The following CDH7 variants were observed in gnomAD, a reference collection of about 807,000 sequenced individuals.
CDH7 encodes the protein cadherin-7.
In CDH7, 25 loss-of-function variants were observed where a neutral mutation model predicts 71.8. The observed-to-expected ratio is 0.35, with a 90% confidence interval of 0.25 to 0.49. The LOEUF (loss-of-function observed/expected upper bound fraction) is 0.49. Among genes scored for constraint, CDH7 ranks in the 20% least tolerant of loss-of-function variants. CDH7 has a pLI of 0.99. For synonymous variants in CDH7, 381 were observed against 363.8 expected (o/e 1.05, Z -0.54); for missense variants, 862 against 974.6 (o/e 0.88, Z 1.54).
At chr18:65,760,894 C>T (rs1225966230) in intron 1 of CDH7, among the ~76,000 whole-genome samples, 3 of 152,158 alleles carry the variant, frequency 2.0e-5, no homozygotes, top group African/African-American at 7.2e-5. Context: ...GGAAGCACGC[C>T]TTTCAGGTGG....
chr18:65,837,581 A>G (rs1912574888), intron 6 of CDH7, among the ~76,000 whole-genome samples: 1 of 152,164 alleles, frequency 6.6e-6, no homozygotes, highest in Admixed American at 6.5e-5. Context: ...AAAAGTGTCA[A>G]GAGGATTTTT....
At chr18:65,782,102 C>CTTT (rs1568182474) in intron 2 of CDH7, among the ~76,000 whole-genome samples, 8 of 52,464 alleles carry the variant, frequency 1.5e-4, no homozygotes, top group East Asian at 4.4e-4. Context: ...TTCCTTCCTT[C>CTTT]CTTCCTTCTT....
At chr18:65,870,054 A>G (rs988779917) in intron 11 of CDH7, among the ~76,000 whole-genome samples, 4 of 152,204 alleles carry the variant, frequency 2.6e-5, no homozygotes, top group Non-Finnish European at 5.9e-5. Flanking sequence ...GTTAGTAGCC[A>G]TGGAACTATA....
chr18:65,774,717 G>T (rs976045584), intron 2 of CDH7, among the ~76,000 whole-genome samples: 3 of 152,078 alleles, frequency 2.0e-5, no homozygotes, highest in African/African-American at 7.2e-5. Flanking sequence ...GTGGAAAGAT[G>T]TGGGGCCTGG....
rs186502386 is a variant in CDH7, at chr18:65,833,079, A to G, written c.981+8248A>G. Among the ~76,000 whole-genome samples, 89 of 152,310 alleles carry G rather than the reference A, an allele frequency of 5.8e-4. 4 individuals carry two copies. Among genetic ancestry groups the G allele is most frequent in the Admixed American group, 9.1e-4 (14 of 15,304 alleles). ...CTAATTTTGCTGTGCTAGATTCAAA[A>G]TATGCTCATATCCATACCCTATGAA... On this transcript the variant is annotated intron_variant, in intron 6 of 11. Coordinates refer to ENST00000397968, the MANE Select transcript of CDH7 (RefSeq NM_004361.5).
chr18:65,835,957 G>A (rs910347887), intron 6 of CDH7, among the ~76,000 whole-genome samples: 15 of 152,128 alleles, frequency 9.9e-5, no homozygotes, highest in Non-Finnish European at 2.1e-4. Context: ...ATAATCACAA[G>A]GCTCCTTAAA....
intron 4 of CDH7, among the ~76,000 whole-genome samples, chr18:65,819,942 A>C (rs557093887): frequency 1.5e-4 from 22 of 149,766 alleles, no homozygotes; most frequent in African/African-American, 5.1e-4. Flanking sequence ...GCTTCCCTAA[A>C]GTGCGAAAGA....
At chr18:65,824,852 C>G (rs368015102) in intron 6 of CDH7, 21 bp downstream of exon 6, 8 of 1,520,314 alleles carry the variant, frequency 5.3e-6, no homozygotes, top group Non-Finnish European at 7.2e-6. Flanking sequence ...CTTTATTTAT[C>G]TTTTATCACA....
chr18:65,782,725 T>A (rs1310135643), intron 2 of CDH7, among the ~76,000 whole-genome samples: 2 of 152,222 alleles, frequency 1.3e-5, no homozygotes, highest in Non-Finnish European at 2.9e-5. Flanking sequence ...TGTTTCTGTG[T>A]AATTTAATAC....
intron 6 of CDH7, among the ~76,000 whole-genome samples, chr18:65,827,556 T>G (rs1912177810): frequency 6.6e-6 from 1 of 151,950 alleles, no homozygotes; most frequent in Non-Finnish European, 1.5e-5. Context: ...CATATCATTT[T>G]GAGCCTAAAC....
intron 7 of CDH7, among the ~76,000 whole-genome samples, chr18:65,850,189 A>T (rs10871591): frequency 0.24 from 33,712 of 142,854 alleles, 4,704 homozygotes; most frequent in Non-Finnish European, 0.31. Flanking sequence ...TATATATATA[A>T]AATTAAATAC....
rs1913497533 is a variant in CDH7, at chr18:65,859,791, A to T, written c.1578A>T (p.Thr526=). 1 of 1,606,478 alleles carries T rather than the reference A, an allele frequency of 6.2e-7. No individual in the cohort carries two copies. Among genetic ancestry groups the T allele is most frequent in the African/African-American group, 1.3e-5 (1 of 74,748 alleles). ...QFYFSLTTDA[T]NNHNFSLKDN... is the part of the protein sequence containing the mutation. Reference sequence around the variant, plus strand: ...ACTTCAGCTTAACAACGGATGCAACAAATAACCACAACTTTTCATTGAAAG... The same window carrying T: ...ACTTCAGCTTAACAACGGATGCAACTAATAACCACAACTTTTCATTGAAAG... Residue 526 remains threonine (T), a synonymous_variant, in exon 10 of 12, where the codon ACA becomes ACT. Transcript: ENST00000397968.
At chr18:65,875,335 A>G (rs1404533369) in intron 11 of CDH7, among the ~76,000 whole-genome samples, 2 of 152,206 alleles carry the variant, frequency 1.3e-5, no homozygotes, top group Non-Finnish European at 2.9e-5. Flanking sequence ...GGTTAGGACC[A>G]CAGGACTTGA....
intron 4 of CDH7, among the ~76,000 whole-genome samples, chr18:65,819,705 T>C (rs1599028489): frequency 6.6e-6 from 1 of 152,050 alleles, no homozygotes; most frequent in Non-Finnish European, 1.5e-5. Context: ...GTTAACAGGA[T>C]CCCTGAGAAA....
intron 7 of CDH7, among the ~76,000 whole-genome samples, chr18:65,848,962 G>A (rs1466117643): frequency 6.6e-6 from 1 of 152,108 alleles, no homozygotes; most frequent in African/African-American, 2.4e-5. Context: ...ATAATTCAGT[G>A]TGTATTTTTT....
chr18:65,829,269 G>A (rs912715375), intron 6 of CDH7, among the ~76,000 whole-genome samples: 6 of 151,892 alleles, frequency 4.0e-5, no homozygotes, highest in Non-Finnish European at 7.4e-5. Flanking sequence ...ACAGGCGCCC[G>A]CCACTACTCC....
At chr18:65,822,385 A>G in intron 5 of CDH7, 137 bp downstream of exon 5, 1 of 643,430 alleles carries the variant, frequency 1.6e-6, no homozygotes, top group Non-Finnish European at 2.6e-6. Flanking sequence ...TTTGCATTTT[A>G]TTAGAGACAT....
At position 65,880,576 on chromosome 18, in the gene CDH7, C is replaced by A. The variant is rs1207968378; in HGVS notation, c.2040C>A (p.Thr680=). 1 of 1,613,682 alleles carries A rather than the reference C, an allele frequency of 6.2e-7. No homozygotes were observed. The change falls in exon 12 of 12, where the codon ACC becomes ACA. Residue 680 remains threonine, a synonymous_variant. Coordinates refer to ENST00000397968, the MANE Select transcript of CDH7 (RefSeq NM_004361.5). The part of the protein sequence containing the change: ...ALRNLNVIRD[T]KTRRDVTPEI... ...GAAACCTCAACGTCATCCGAGACAC[C>A]AAGACCCGGAGGGATGTGACTCCAG... is the stretch of plus-strand genomic sequence containing the variant.
chr18:65,776,361 A>AACACACACACACACACAC (rs66695422), intron 2 of CDH7, among the ~76,000 whole-genome samples: 2 of 139,636 alleles, frequency 1.4e-5, no homozygotes, highest in Admixed American at 7.3e-5. Flanking sequence ...GAAAGTACAG[A>AACACACACACACACACAC]ACACACACAC....
Sources: allele counts gnomAD v4.1 joint callset (sites outside exome capture counted in the v4.1 genomes callset), GRCh38; gene constraint gnomAD v4.1.1; transcripts MANE v1.5; gene names NCBI Gene and HGNC (gene_info 2026-07-23, HGNC 2026-07-21).